NFIB: variants seen among roughly 807,000 people sequenced by gnomAD.
The protein encoded by NFIB is nuclear factor I B.
NFIB carries 11 observed loss-of-function variants against 61.5 expected under a neutral mutation model. The observed-to-expected ratio is 0.18, with a 90% confidence interval of 0.11 to 0.30. The LOEUF is 0.30. NFIB is among the 10% of genes least tolerant of loss of function. The pLI is 1.00. For missense variants in NFIB, 471 were observed against 608.9 expected (o/e 0.77, Z 2.38); for synonymous variants, 260 against 216.5 (o/e 1.20, Z -1.76).
In NFIB at chr9:14,332,347, A is replaced by C. The variant is rs12336455; in HGVS notation, c.109-24827T>G. Among the ~76,000 whole-genome samples the C allele has an allele frequency of 2.1e-3, 313 of 151,404 alleles. 3 individuals are homozygous for C. Among genetic ancestry groups the C allele is most frequent in the African/African-American group, 7.4e-3 (307 of 41,326 alleles). ...GACTCCGTCAAAAAAAAAAAAAAAAAAAACACACAAGAAGAATCTCCCTAG... is the reference window on the plus strand; with the variant it reads ...GACTCCGTCAAAAAAAAAAAAAAAACAAACACACAAGAAGAATCTCCCTAG... On this transcript the variant is annotated intron_variant, in intron 1 of 8. Coordinates refer to the NFIB transcript ENST00000380934.
intron 4 of NFIB, among the ~76,000 whole-genome samples, chr9:14,153,487 C>G (rs2043076941): frequency 6.6e-6 from 1 of 152,066 alleles, no homozygotes; most frequent in South Asian, 2.1e-4. Flanking sequence ...TGCCGATATC[C>G]TCTTAGAAAT....
intron 2 of NFIB, among the ~76,000 whole-genome samples, chr9:14,227,356 G>C (rs74868270): frequency 0.015 from 2,304 of 152,070 alleles, 49 homozygotes; most frequent in African/African-American, 0.052. Context: ...TCATTTCTAG[G>C]TCAGTATAGG....
chr9:14,428,453 TTA>T, the NFIB span, among the ~76,000 whole-genome samples: 11 of 152,178 alleles, frequency 7.2e-5, no homozygotes, highest in Middle Eastern at 3.4e-3. Context: ...TCAAGTTCCC[TTA>T]TGTTTTGGAG....
intron 2 of NFIB, among the ~76,000 whole-genome samples, chr9:14,247,935 CTT>C (rs1051234569): frequency 2.4e-4 from 33 of 138,066 alleles, no homozygotes; most frequent in Middle Eastern, 3.5e-3. Flanking sequence ...TTCTTTTTTT[CTT>C]TTTTTTTTTT....
At chr9:14,302,692 C>T (rs1461278846) in intron 2 of NFIB, among the ~76,000 whole-genome samples, 3 of 152,152 alleles carry the variant, frequency 2.0e-5, no homozygotes, top group Non-Finnish European at 2.9e-5. Context: ...TGACCTCTCT[C>T]TTCAAAACGC....
chr9:14,297,181 G>A lies in NFIB; in HGVS notation c.562+9808C>T, dbSNP rs553170807. Among the ~76,000 whole-genome samples the A allele has an allele frequency of 2.6e-5, 4 of 152,336 alleles. No homozygotes were observed. In the East Asian group the frequency reaches 7.7e-4, roughly 29 times the overall value. ...CTAAAGAGATTTTTAAATCCTCTGGGCTGGCTGCTGTTCTCATATCACAGT... is the reference window on the plus strand; with the variant it reads ...CTAAAGAGATTTTTAAATCCTCTGGACTGGCTGCTGTTCTCATATCACAGT... On this transcript the variant is annotated intron_variant, in intron 2 of 10. Coordinates refer to ENST00000380953, the MANE Select transcript of NFIB (RefSeq NM_001190737.2).
intron 2 of NFIB, among the ~76,000 whole-genome samples, chr9:14,218,347 T>C (rs1322261822): frequency 1.3e-5 from 2 of 152,192 alleles, no homozygotes; most frequent in Non-Finnish European, 2.9e-5. Context: ...GTTTCTGTTT[T>C]CAGTGCCTTC....
the NFIB span, among the ~76,000 whole-genome samples, chr9:14,459,770 C>T: frequency 6.6e-6 from 1 of 151,462 alleles, no homozygotes; most frequent in Non-Finnish European, 1.5e-5. Context: ...TGAAAAAATG[C>T]TCATCATCAC....
intron 4 of NFIB, among the ~76,000 whole-genome samples, chr9:14,151,806 G>A (rs565844111): frequency 3.9e-5 from 6 of 152,030 alleles, no homozygotes; most frequent in Non-Finnish European, 7.4e-5. Flanking sequence ...AAGCTCACAC[G>A]AAATTGTACT....
intron 1 of NFIB, among the ~76,000 whole-genome samples, chr9:14,361,053 C>A (rs998648629): frequency 4.0e-5 from 6 of 151,586 alleles, no homozygotes; most frequent in African/African-American, 1.5e-4. Flanking sequence ...ATGATTTTTC[C>A]AGGTTTAAGA....
intron 7 of NFIB, among the ~76,000 whole-genome samples, chr9:14,122,288 T>G (rs1475327172): frequency 6.6e-6 from 1 of 152,116 alleles, no homozygotes; most frequent in African/African-American, 2.4e-5. Context: ...AAACATAAAT[T>G]CAATTTTATA....
chr9:14,380,131 A>G (rs900389140), intron 1 of NFIB, among the ~76,000 whole-genome samples: 2 of 152,232 alleles, frequency 1.3e-5, no homozygotes, highest in Non-Finnish European at 2.9e-5. Flanking sequence ...TCAATCCAAT[A>G]AATAGACTCA....
the NFIB span, among the ~76,000 whole-genome samples, chr9:14,505,043 G>T: frequency 1.3e-5 from 2 of 152,142 alleles, no homozygotes; most frequent in African/African-American, 4.8e-5. Flanking sequence ...ATCATAAAGG[G>T]ACGCTGGATT....
Position 14,320,890 on chromosome 9 carries a change from TAA to T in NFIB, c.109-13372_109-13371del, listed in dbSNP as rs1320483505. Among the ~76,000 whole-genome samples the T allele has an allele frequency of 2.0e-5, 3 of 152,248 alleles. No homozygotes were observed. The East Asian group carries it at 5.8e-4, about 29-fold the overall frequency. On this transcript the variant is annotated intron_variant, in intron 1 of 8. Coordinates refer to the NFIB transcript ENST00000380934. ...AGATCCGTTCAAAGAAAGTCAGAGTTAATCTTGTGTATTTTGGCGCCTTTTCC... is the reference window on the plus strand; with the variant it reads ...AGATCCGTTCAAAGAAAGTCAGAGTTTCTTGTGTATTTTGGCGCCTTTTCC...
chr9:14,143,524 C>T (rs2041971858), intron 6 of NFIB, among the ~76,000 whole-genome samples: 1 of 152,012 alleles, frequency 6.6e-6, no homozygotes, highest in Admixed American at 6.6e-5. Context: ...GATTTTAATG[C>T]AAATTTAACA....
At position 14,373,297 on chromosome 9, in the gene NFIB, T is replaced by C. The variant is rs553297447; in HGVS notation, c.108+25227A>G. Among the ~76,000 whole-genome samples the C allele has an allele frequency of 2.0e-5, 3 of 152,332 alleles. No individual in the cohort carries two copies. In the South Asian group the frequency reaches 6.2e-4, roughly 32 times the overall value. Reference sequence around the variant, plus strand: ...GTGGTGTGAATCTCTTATTAGCATTTATGAGAACTTACCTTCCCAAATCCT... The same window carrying C: ...GTGGTGTGAATCTCTTATTAGCATTCATGAGAACTTACCTTCCCAAATCCT... On this transcript the variant is annotated intron_variant, in intron 1 of 8. Transcript: ENST00000380934.
chr9:14,508,545 TTA>T, the NFIB span, among the ~76,000 whole-genome samples: 6 of 152,222 alleles, frequency 3.9e-5, no homozygotes, highest in Non-Finnish European at 7.3e-5. Flanking sequence ...AGGGCGAGAA[TTA>T]TATGACATAA....
At chr9:14,137,389 TA>T (rs1426470103) in intron 6 of NFIB, among the ~76,000 whole-genome samples, 1 of 152,186 alleles carries the variant, frequency 6.6e-6, no homozygotes, top group South Asian at 2.1e-4. Flanking sequence ...TGAGAGTGTT[TA>T]AAATGAACAT....
chr9:14,221,243 G>C (rs1587714854), intron 2 of NFIB, among the ~76,000 whole-genome samples: 1 of 152,074 alleles, frequency 6.6e-6, no homozygotes, highest in East Asian at 1.9e-4. Context: ...AGATTCCAAA[G>C]TTTCCTATTC....
Sources: allele counts gnomAD v4.1 joint callset (sites outside exome capture counted in the v4.1 genomes callset), GRCh38; gene constraint gnomAD v4.1.1; transcripts MANE v1.5; gene names NCBI Gene and HGNC (gene_info 2026-07-23, HGNC 2026-07-21).